Variants in SLC7A14 observed in about 807,000 individuals in gnomAD.
SLC7A14 encodes gamma-aminobutyric acid transporter SLC7A14.
Under a neutral mutation model 60.2 loss-of-function variants are expected in SLC7A14, and 37 were observed. That is an observed-to-expected ratio of 0.61 (90% confidence interval 0.47 to 0.81). The LOEUF (loss-of-function observed/expected upper bound fraction) is 0.81. Ranked by LOEUF, SLC7A14 falls within the 30% of genes least tolerant of loss-of-function variation. The probability of loss-of-function intolerance (pLI) is 0.00; values close to 1 mark genes in which losing one functional copy is unlikely to be tolerated. For missense variants in SLC7A14, 886 were observed against 982.7 expected (o/e 0.90, Z 1.32); for synonymous variants, 399 against 395.8 (o/e 1.01, Z -0.10).
chr3:170,505,470 A>G (rs1712747946), intron 2 of SLC7A14, among the ~76,000 whole-genome samples: 1 of 152,214 alleles, frequency 6.6e-6, no homozygotes. Context: ...TTTTTAAAAA[A>G]TCAAGTGCGT....
At chr3:170,496,302 ACG>A (rs1415673621) in intron 4 of SLC7A14, 3 of 1,012,564 alleles carry the variant, frequency 3.0e-6, no homozygotes, top group Non-Finnish European at 4.7e-6. Context: ...AGAGCTGCAG[ACG>A]CTGGCTGGCA....
At chr3:170,584,506 G>A (rs1003175182) in intron 1 of SLC7A14, among the ~76,000 whole-genome samples, 2 of 152,284 alleles carry the variant, frequency 1.3e-5, no homozygotes, top group African/African-American at 4.8e-5. Flanking sequence ...AGTGACACCC[G>A]CTTCCTGCTC....
chr3:170,490,258 C>T (rs1332733215), intron 4 of SLC7A14, among the ~76,000 whole-genome samples: 1 of 152,138 alleles, frequency 6.6e-6, no homozygotes, highest in Non-Finnish European at 1.5e-5. Context: ...AAAAACAGGT[C>T]CTGCTTTCTC....
chr3:170,572,125 C>A (rs191398965), intron 1 of SLC7A14, among the ~76,000 whole-genome samples: 103 of 151,076 alleles, frequency 6.8e-4, no homozygotes, highest in African/African-American at 2.4e-3. Context: ...AGTCCCATAC[C>A]AAATCTGTGA....
At chr3:170,559,487 A>G (rs1357556767) in intron 1 of SLC7A14, among the ~76,000 whole-genome samples, 2 of 152,200 alleles carry the variant, frequency 1.3e-5, no homozygotes, top group African/African-American at 4.8e-5. Flanking sequence ...GTTTTAAAAT[A>G]TTTTTATATA....
chr3:170,564,897 G>A (rs1045125675), intron 1 of SLC7A14, among the ~76,000 whole-genome samples: 5 of 152,136 alleles, frequency 3.3e-5, no homozygotes, highest in African/African-American at 1.2e-4. Context: ...CCTGCTTTGG[G>A]CTTTATGTAG....
At chr3:170,493,328 T>C (rs970179096) in intron 4 of SLC7A14, among the ~76,000 whole-genome samples, 4 of 152,158 alleles carry the variant, frequency 2.6e-5, no homozygotes, top group African/African-American at 9.7e-5. Flanking sequence ...TGGAAGGAAG[T>C]GTTTGGAGCA....
At chr3:170,551,720 C>T (rs1714357250) in intron 1 of SLC7A14, among the ~76,000 whole-genome samples, 1 of 152,128 alleles carries the variant, frequency 6.6e-6, no homozygotes, top group Admixed American at 6.5e-5. Context: ...ATCATTTGCC[C>T]ATTAAAAATG....
In SLC7A14 at chr3:170,467,071, T is replaced by A. The variant is rs755434444; in HGVS notation, c.2300A>T (p.Asp767Val). 2 of 1,610,706 alleles carry A rather than the reference T, an allele frequency of 1.2e-6. No homozygotes were observed. Among genetic ancestry groups the A allele is most frequent in the South Asian group, 2.2e-5 (2 of 90,298 alleles). ...GTGTTTCTCCTACTCTGGAGAGTAA[T>A]CTAACTCATCATTTGCAATCAGGGC... is the stretch of plus-strand genomic sequence containing the variant. ...SEALIANDEL[D>V]YSPE Residue 767 changes from aspartate (D) to valine (V), a missense_variant, in exon 8 of 8, where the codon GAT becomes GTT. Coordinates refer to ENST00000231706, the MANE Select transcript of SLC7A14 (RefSeq NM_020949.3).
chr3:170,496,506 G>T, intron 4 of SLC7A14: 18 of 1,497,004 alleles, frequency 1.2e-5, no homozygotes, highest in Non-Finnish European at 1.7e-5. Flanking sequence ...GCTGGAGGCC[G>T]CCCTGCAGCG....
At chr3:170,584,896 T>G (rs1043477780) in intron 1 of SLC7A14, among the ~76,000 whole-genome samples, 1 of 152,014 alleles carries the variant, frequency 6.6e-6, no homozygotes, top group African/African-American at 2.4e-5. Flanking sequence ...TTCCTTTGAG[T>G]GTCTCCGCTC....
Position 170,501,266 on chromosome 3 carries a change from C to T in SLC7A14, c.384G>A (p.Gly128=), listed in dbSNP as rs995285504. 3.7e-6 allele frequency: 6 copies of T among 1,614,036 alleles called. No individual in the cohort carries two copies. Among genetic ancestry groups the T allele is most frequent in the Admixed American group, 1.7e-5 (1 of 60,008 alleles). Residue 128 remains glycine (G), a synonymous_variant, in exon 3 of 8, where the codon GGG becomes GGA. Coordinates refer to ENST00000231706, the MANE Select transcript of SLC7A14 (RefSeq NM_020949.3). ...SAYTYSYVTV[G]EFVAFFIGWN... ...AGCCAATGAAAAATGCCACAAATTCCCCAACAGTGACATAGCTGTAGGTGT... is the reference window on the plus strand; with the variant it reads ...AGCCAATGAAAAATGCCACAAATTCTCCAACAGTGACATAGCTGTAGGTGT...
chr3:170,564,867 A>G (rs947915361), intron 1 of SLC7A14, among the ~76,000 whole-genome samples: 6 of 152,208 alleles, frequency 3.9e-5, no homozygotes, highest in Admixed American at 3.9e-4. Flanking sequence ...TTGTTTGGCA[A>G]CTAAGTCTTT....
Position 170,465,374 on chromosome 3 carries a change from G to A in SLC7A14, c.*1681C>T, listed in dbSNP as rs1739693154. The A allele has an allele frequency of 6.6e-6, 1 of 152,220 alleles. No individual in the cohort carries two copies. Among genetic ancestry groups the A allele is most frequent in the Non-Finnish European group, 1.5e-5 (1 of 68,032 alleles). The allele number at this position is 152,220 out of a possible 1,614,324, so 9.4% of individuals were successfully genotyped here. A position where few individuals can be genotyped will look rare whatever the true frequency, so the allele number is the denominator to read the frequency against. On this transcript the variant is annotated 3_prime_UTR_variant, in exon 8 of 8. Coordinates refer to ENST00000231706, the MANE Select transcript of SLC7A14 (RefSeq NM_020949.3). ...CAGTGCTGCTCATCCATGGACTGTA[G>A]CCCCCAAGGGCAAGTGCCATGCTTC...
rs986405584 is a variant in SLC7A14, at chr3:170,585,702, G to A, written c.-153+209C>T. The stretch of plus-strand genomic sequence containing the variant: ...CCTCATTCCGGGCCAGAGCAGGAAA[G>A]AGCCCGACCCACCTCCTCGGTTCTT... On this transcript the variant is annotated intron_variant, in intron 1 of 7. Coordinates refer to ENST00000231706, the MANE Select transcript of SLC7A14 (RefSeq NM_020949.3). The surrounding 1 kb of genome is among the most constrained non-coding windows in gnomAD (Gnocchi z 5.1). Among the ~76,000 whole-genome samples the A allele has an allele frequency of 6.6e-6, 1 of 152,078 alleles. No individual in the cohort carries two copies. Among genetic ancestry groups the A allele is most frequent in the South Asian group, 2.1e-4 (1 of 4,822 alleles).
At chr3:170,495,080 G>A (rs1423895165) in intron 4 of SLC7A14, among the ~76,000 whole-genome samples, 4 of 152,290 alleles carry the variant, frequency 2.6e-5, no homozygotes, top group Middle Eastern at 3.4e-3. Context: ...CATGGAATAC[G>A]ATGCCAGGAA....
At chr3:170,496,164 G>A in intron 4 of SLC7A14, 1 of 912,218 alleles carries the variant, frequency 1.1e-6, no homozygotes, top group Non-Finnish European at 1.8e-6. Context: ...CACGTCTGCG[G>A]TGCTGTCCAT....
In SLC7A14 at chr3:170,486,085, G is replaced by A. The variant is rs1376096027; in HGVS notation, c.906+137C>T. 4 of 1,114,056 alleles carry A rather than the reference G, an allele frequency of 3.6e-6. No individual in the cohort carries two copies. The Admixed American group carries it at 8.5e-5, about 24-fold the overall frequency. The allele number at this position is 1,114,056 out of a possible 1,614,324, so 69.0% of individuals were successfully genotyped here. A position where few individuals can be genotyped will look rare whatever the true frequency, so the allele number is the denominator to read the frequency against. ...GAGTCCTAATTTTTTTCTTGTCATGGGGAGTGGGGAATGGGGCTACAGGGG... is the reference window on the plus strand; with the variant it reads ...GAGTCCTAATTTTTTTCTTGTCATGAGGAGTGGGGAATGGGGCTACAGGGG... On this transcript the variant is annotated intron_variant, in intron 5 of 7. Transcript: ENST00000231706.
chr3:170,532,632 C>T lies in SLC7A14; in HGVS notation c.-152-5544G>A, dbSNP rs1713712185. ...TGGCGTATAGTGCATGCTGTGGGAG[C>T]GTTAGCTAGCATCACCCTGCTGTGG... On this transcript the variant is annotated intron_variant, in intron 1 of 7. Coordinates refer to ENST00000231706, the MANE Select transcript of SLC7A14 (RefSeq NM_020949.3). The surrounding 1 kb of genome is among the most constrained non-coding windows in gnomAD (Gnocchi z 4.0). Among the ~76,000 whole-genome samples the T allele has an allele frequency of 1.3e-5, 2 of 151,670 alleles. No individual in the cohort carries two copies. Among genetic ancestry groups the T allele is most frequent in the Non-Finnish European group, 2.9e-5 (2 of 67,976 alleles).
Sources: gnomAD v4.1 joint callset for allele counts (sites outside exome capture counted in the v4.1 genomes callset) on GRCh38, gnomAD v4.1.1 for gene constraint, Gnocchi (gnomAD v3.1) non-coding constraint, MANE v1.5 for transcripts, NCBI Gene and HGNC (gene_info 2026-07-23, HGNC 2026-07-21) for gene names.